WDR20: variants seen among roughly 807,000 people sequenced by gnomAD.
WDR20 encodes WD repeat-containing protein 20.
Under a neutral mutation model 38.7 loss-of-function variants are expected in WDR20, and 3 were observed. That is an observed-to-expected ratio of 0.08 (90% CI 0.04 to 0.20). The LOEUF is 0.20. Ranked by LOEUF, WDR20 falls within the 10% of genes least tolerant of loss-of-function variation. The pLI is 1.00. For missense variants in WDR20, 559 were observed against 727.7 expected (o/e 0.77, Z 2.67); for synonymous variants, 298 against 285.6 (o/e 1.04, Z -0.44).
At position 102,209,393 on chromosome 14, in the gene WDR20, G is replaced by C; in HGVS notation, c.1223G>C (p.Ser408Thr). 2 of 1,614,162 alleles carry C rather than the reference G, an allele frequency of 1.2e-6. No homozygotes were observed. Among genetic ancestry groups the C allele is most frequent in the Non-Finnish European group, 1.7e-6 (2 of 1,180,052 alleles). Residue 408 changes from serine to threonine, a missense_variant, in exon 3 of 3, where the codon AGT becomes ACT. Ser to Thr is a moderately conservative substitution (Grantham distance 58). Transcript: ENST00000342702. This position sits in a 1 kb window ranked among gnomAD's most constrained non-coding sequence, Gnocchi z 6.0. ...RTHTNVMNAT[S>T]PPAGSNGNSV... ...CACACAAATGTCATGAATGCCACGAGTCCTCCTGCTGGAAGCAATGGGAAC... is the reference window on the plus strand; with the variant it reads ...CACACAAATGTCATGAATGCCACGACTCCTCCTGCTGGAAGCAATGGGAAC...
chr14:102,200,082 C>G (rs983313726), intron 2 of WDR20, among the ~76,000 whole-genome samples: 1 of 152,248 alleles, frequency 6.6e-6, no homozygotes, highest in African/African-American at 2.4e-5. Context: ...CTGCCCTCTT[C>G]CCGCTCCCTG....
chr14:102,189,932 TG>T (rs2152924465), intron 1 of WDR20, among the ~76,000 whole-genome samples: 1 of 152,302 alleles, frequency 6.6e-6, no homozygotes, highest in East Asian at 1.9e-4. Context: ...AAAGAATGGT[TG>T]GGAAAATCCT....
chr14:102,182,615 T>G (rs992389784), intron 1 of WDR20, among the ~76,000 whole-genome samples: 15 of 152,198 alleles, frequency 9.9e-5, no homozygotes, highest in Non-Finnish European at 1.5e-5. Context: ...TCTGTGACCC[T>G]AATACCAAGC....
chr14:102,150,064 G>A (rs2055215000), intron 1 of WDR20, among the ~76,000 whole-genome samples: 1 of 152,130 alleles, frequency 6.6e-6, no homozygotes, highest in Non-Finnish European at 1.5e-5. Flanking sequence ...ATCAGTTTGT[G>A]TTACAGCTTA....
At chr14:102,188,453 TG>T (rs1158257488) in intron 1 of WDR20, among the ~76,000 whole-genome samples, 1 of 152,224 alleles carries the variant, frequency 6.6e-6, no homozygotes, top group Non-Finnish European at 1.5e-5. Flanking sequence ...GAACTGGAAC[TG>T]GAGGGCTTCT....
rs1180948011 is a variant in WDR20 at position 102,222,458 on chromosome 14, C to T, written c.1693-372C>T. Reference sequence around the variant, plus strand: ...GTCCAGAACTGCGGTGCCCTGGGCTCAACCCTGGCTGAAGGCGCTGAACAC... The same window carrying T: ...GTCCAGAACTGCGGTGCCCTGGGCTTAACCCTGGCTGAAGGCGCTGAACAC... On this transcript the variant is annotated intron_variant, in intron 3 of 3. Coordinates refer to the WDR20 transcript ENST00000335263. This position sits in a 1 kb window ranked among gnomAD's most constrained non-coding sequence, Gnocchi z 4.4. 6.6e-6 allele frequency among the ~76,000 whole-genome samples: 1 copy of T among 152,188 alleles called. No homozygotes were observed. Among genetic ancestry groups the T allele is most frequent in the Non-Finnish European group, 1.5e-5 (1 of 68,028 alleles).
At position 102,195,387 on chromosome 14, in the gene WDR20, G is replaced by A. The variant is rs1248001174; in HGVS notation, c.432+267G>A. ...TAAAACTCTTCTATAATGGAGATAG[G>A]GACAGTACTGTAACTCGGTATTTAT... On this transcript the variant is annotated intron_variant, in intron 2 of 2. Transcript: ENST00000342702. Among the ~76,000 whole-genome samples the A allele has an allele frequency of 2.6e-5, 4 of 152,124 alleles. No homozygotes were observed. In the East Asian group the frequency reaches 5.8e-4, roughly 22 times the overall value.
intron 2 of WDR20, chr14:102,197,890 A>AT (rs1245164344): frequency 1.4e-6 from 1 of 690,510 alleles, no homozygotes; most frequent in African/African-American, 1.8e-5. Flanking sequence ...CCATTGTTTC[A>AT]TTCATTCAGG....
chr14:102,146,098 G>C (rs2053556127), intron 1 of WDR20, among the ~76,000 whole-genome samples: 1 of 151,918 alleles, frequency 6.6e-6, no homozygotes. Flanking sequence ...TGGGGTGTTT[G>C]GGAAAGCAAG....
chr14:102,203,754 A>G (rs2060960893), intron 2 of WDR20, among the ~76,000 whole-genome samples: 1 of 152,038 alleles, frequency 6.6e-6, no homozygotes, highest in South Asian at 2.1e-4. Flanking sequence ...TCAAGGCCCC[A>G]TTGACATTGG....
downstream of WDR20, chr14:102,210,609 C>T (rs1398765281): frequency 1.5e-5 from 14 of 927,846 alleles, no homozygotes; most frequent in South Asian, 5.0e-5. Context: ...GTGGGAACTG[C>T]GGGCCGAGGA....
chr14:102,143,106 G>A (rs1178357236), intron 1 of WDR20, among the ~76,000 whole-genome samples: 1 of 152,070 alleles, frequency 6.6e-6, no homozygotes, highest in Admixed American at 6.6e-5. Context: ...CCTCCTCAGA[G>A]CGAACCAAGG....
chr14:102,148,169 C>A (rs1462708068), intron 1 of WDR20, among the ~76,000 whole-genome samples: 5 of 152,142 alleles, frequency 3.3e-5, no homozygotes, highest in African/African-American at 1.2e-4. Context: ...CAGGAGAAGA[C>A]CTTAAAAATA....
intron 1 of WDR20, among the ~76,000 whole-genome samples, chr14:102,187,771 A>G (rs1170724610): frequency 2.0e-5 from 3 of 152,192 alleles, no homozygotes; most frequent in East Asian, 1.9e-4. Context: ...CCCAGGCTGG[A>G]TGAGGGCCCT....
intron 2 of WDR20, among the ~76,000 whole-genome samples, chr14:102,205,805 T>G (rs2061429008): frequency 2.9e-5 from 4 of 139,458 alleles, no homozygotes; most frequent in Admixed American, 7.2e-5. Context: ...CCAAGGTCGG[T>G]TTTTTTTTTT....
At position 102,185,130 on chromosome 14, in the gene WDR20, ATC is replaced by A. The variant is rs2064313473; in HGVS notation, c.250-9804_250-9803del. ...CAGGAAATTTAGGGCAGAAAGAAACATCTCTGTTTTTCCTTATGTCTGTTTCT... is the reference window on the plus strand; with the variant it reads ...CAGGAAATTTAGGGCAGAAAGAAACATCTGTTTTTCCTTATGTCTGTTTCT... On this transcript the variant is annotated intron_variant, in intron 1 of 2. Transcript: ENST00000342702. Among the ~76,000 whole-genome samples, 4 of 152,148 alleles carry A rather than the reference ATC, an allele frequency of 2.6e-5. No homozygotes were observed. In the South Asian group the frequency reaches 8.3e-4, roughly 32 times the overall value.
chr14:102,170,471 T>C (rs2060585994), intron 1 of WDR20, among the ~76,000 whole-genome samples: 1 of 152,202 alleles, frequency 6.6e-6, no homozygotes, highest in South Asian at 2.1e-4. Flanking sequence ...TGATCTTTGC[T>C]AATTTGACAG....
chr14:102,222,706 C>A lies in WDR20; in HGVS notation c.1693-124C>A, dbSNP rs756572267. 2 of 958,466 alleles carry A rather than the reference C, an allele frequency of 2.1e-6. No homozygotes were observed. Among genetic ancestry groups the A allele is most frequent in the Admixed American group, 3.8e-5 (2 of 53,310 alleles). 59.4% of individuals were successfully genotyped at this position (958,466 alleles called of 1,614,324 possible). A position where few individuals can be genotyped will look rare whatever the true frequency, so the allele number is the denominator to read the frequency against. The stretch of plus-strand genomic sequence containing the variant: ...AATAGATGAAGTGGAGGGTTTGCTC[C>A]CACACTGGCTTCCACATCAACAGCA... On this transcript the variant is annotated intron_variant, in intron 3 of 3. Transcript: ENST00000335263. The surrounding 1 kb of genome is among the most constrained non-coding windows in gnomAD (Gnocchi z 4.4).
intron 2 of WDR20, chr14:102,196,019 T>A (rs1252167695): frequency 6.6e-6 from 1 of 152,252 alleles, no homozygotes; most frequent in Non-Finnish European, 1.5e-5. Context: ...TGCATGGTTT[T>A]AACATCATTA....
Sources: allele counts gnomAD v4.1 joint callset (sites outside exome capture counted in the v4.1 genomes callset), GRCh38; gene constraint gnomAD v4.1.1; non-coding constraint Gnocchi (gnomAD v3.1); transcripts MANE v1.5; gene names NCBI Gene and HGNC (gene_info 2026-07-23, HGNC 2026-07-21).